The following IQCH variants were observed in gnomAD, a reference collection of about 807,000 sequenced individuals.
IQCH encodes IQ domain-containing protein H.
IQCH carries 98 observed loss-of-function variants against 117.0 expected under a neutral mutation model. The observed-to-expected ratio is 0.84, with a 90% confidence interval of 0.71 to 0.99. The LOEUF (loss-of-function observed/expected upper bound fraction) is 0.99, where lower values mean the gene tolerates loss of function less well. IQCH is among the 50% of genes least tolerant of loss of function. The probability of loss-of-function intolerance (pLI) is 0.00; values close to 1 mark genes in which losing one functional copy is unlikely to be tolerated. For synonymous variants in IQCH, 412 were observed against 448.2 expected (o/e 0.92, Z 1.02); for missense variants, 1,102 against 1,243.8 (o/e 0.89, Z 1.72).
intron 3 of IQCH, among the ~76,000 whole-genome samples, chr15:67,273,095 G>A (rs1431181131): frequency 6.6e-6 from 1 of 151,694 alleles, no homozygotes. Flanking sequence ...TTTGGAGACA[G>A]GGTCTCTCTC....
At chr15:67,310,079 C>T (rs1967507960) in intron 4 of IQCH, among the ~76,000 whole-genome samples, 2 of 150,802 alleles carry the variant, frequency 1.3e-5, no homozygotes, top group South Asian at 2.1e-4. Context: ...GCTCCTTTTA[C>T]ATCCTAGTGT....
In IQCH at chr15:67,263,186, A is replaced by C; in HGVS notation, c.239A>C (p.Glu80Ala). Residue 80 changes from glutamate (E) to alanine (A), a missense_variant, in exon 3 of 21, where the codon GAG (glutamate) becomes GCG (alanine). Coordinates refer to ENST00000335894, the MANE Select transcript of IQCH (RefSeq NM_001031715.3). ...QNVLTTSVND[E>A]SLYTPQASKW... ...GTATTAACGACTTCTGTTAATGATG[A>C]GAGCTTATATACTCCCCAGGCTTCC... 6.4e-7 allele frequency: 1 copy of C among 1,574,370 alleles called. No individual in the cohort carries two copies. Among genetic ancestry groups the C allele is most frequent in the Non-Finnish European group, 8.7e-7 (1 of 1,143,902 alleles).
intron 4 of IQCH, among the ~76,000 whole-genome samples, chr15:67,291,703 G>A (rs1393797901): frequency 6.6e-6 from 1 of 152,162 alleles, no homozygotes; most frequent in Non-Finnish European, 1.5e-5. Flanking sequence ...AATTTTCACT[G>A]TAAGTTATAC....
intron 9 of IQCH, among the ~76,000 whole-genome samples, chr15:67,373,071 G>C (rs1175226370): frequency 6.6e-6 from 1 of 151,914 alleles, no homozygotes; most frequent in Non-Finnish European, 1.5e-5. Context: ...TTGTCAGAAA[G>C]TATTTAAGTT....
chr15:67,322,264 T>G (rs1338384903), intron 4 of IQCH, among the ~76,000 whole-genome samples: 4 of 152,240 alleles, frequency 2.6e-5, no homozygotes, highest in Non-Finnish European at 5.9e-5. Flanking sequence ...CTCATAGTTC[T>G]TTTTGTCTTA....
rs1385404825 is a variant in IQCH at position 67,427,471 on chromosome 15, C to T, written c.2505+5894C>T. 6.6e-6 allele frequency among the ~76,000 whole-genome samples: 1 copy of T among 151,928 alleles called. No individual in the cohort carries two copies. The highest frequency in any genetic ancestry group is 6.6e-5 in the Admixed American group (1 of 15,264). On this transcript the variant is annotated intron_variant, in intron 16 of 20. Transcript: ENST00000335894. The surrounding 1 kb of genome is among the most constrained non-coding windows in gnomAD (Gnocchi z 4.7). ...CCTTGAGCCATCCTCCTGCCTTGGCCTCCCAAAGTGCTTGGATTACAGGTG... is the reference window on the plus strand; with the variant it reads ...CCTTGAGCCATCCTCCTGCCTTGGCTTCCCAAAGTGCTTGGATTACAGGTG...
rs753039173 is a variant in IQCH at position 67,445,863 on chromosome 15, C to T, written c.2506-19264C>T. Among the ~76,000 whole-genome samples the T allele has an allele frequency of 2.6e-5, 4 of 152,166 alleles. No homozygotes were observed. The highest frequency in any genetic ancestry group is 5.9e-5 in the Non-Finnish European group (4 of 68,040). On this transcript the variant is annotated intron_variant, in intron 16 of 20. Coordinates refer to ENST00000335894, the MANE Select transcript of IQCH (RefSeq NM_001031715.3). This position sits in a 1 kb window ranked among gnomAD's most constrained non-coding sequence, Gnocchi z 4.3. ...GTCCAAATAATGCAACAAAATTCAC[C>T]TCCCATACAGAGGACACAGGTAGGA...
chr15:67,256,708 A>G (rs567382670), intron 1 of IQCH, among the ~76,000 whole-genome samples: 2 of 152,234 alleles, frequency 1.3e-5, no homozygotes, highest in Non-Finnish European at 2.9e-5. Context: ...ACATTATAGT[A>G]ATAGATAACT....
At chr15:67,435,373 C>A (rs1268788060) in intron 16 of IQCH, among the ~76,000 whole-genome samples, 1 of 151,960 alleles carries the variant, frequency 6.6e-6, no homozygotes, top group African/African-American at 2.4e-5. Context: ...TCACTTTAGG[C>A]CAGGAGTTTG....
chr15:67,270,788 T>TA (rs1555429033), intron 3 of IQCH, among the ~76,000 whole-genome samples: 4 of 152,192 alleles, frequency 2.6e-5, no homozygotes, highest in Non-Finnish European at 5.9e-5. Flanking sequence ...AATCTGTTTT[T>TA]AAAAAAATTA....
chr15:67,487,998 A>T (rs1356406649), intron 18 of IQCH, among the ~76,000 whole-genome samples: 1 of 152,186 alleles, frequency 6.6e-6, no homozygotes, highest in Admixed American at 6.5e-5. Flanking sequence ...ATGTAAAAAT[A>T]AACACATGAT....
At chr15:67,423,641 G>A (rs953104060) in intron 16 of IQCH, among the ~76,000 whole-genome samples, 2 of 150,796 alleles carry the variant, frequency 1.3e-5, no homozygotes, top group Non-Finnish European at 1.5e-5. Flanking sequence ...GGTAGCTCAC[G>A]CCTGTAATAC....
rs749382813 is a variant in IQCH at position 67,372,192 on chromosome 15, A to C, written c.835A>C (p.Asn279His). 2.5e-6 allele frequency: 4 copies of C among 1,614,004 alleles called. No homozygotes were observed. The highest frequency in any genetic ancestry group is 1.1e-5 in the South Asian group (1 of 91,084). ...DFLIYDGVIDNTAPDFLAFKE... is the reference protein window; with the variant it reads ...DFLIYDGVIDHTAPDFLAFKE... ...TTTAATTTATGATGGTGTCATAGAC[A>C]ATACAGCCCCAGACTTCTTAGCATT... The change falls in exon 9 of 21, where the codon AAT becomes CAT. Residue 279 changes from asparagine to histidine, a missense_variant. This residue lies in a region of IQCH where 452 missense variants were observed against 449.6 expected (regional missense o/e 1.01). Coordinates refer to ENST00000335894, the MANE Select transcript of IQCH (RefSeq NM_001031715.3).
intron 14 of IQCH, among the ~76,000 whole-genome samples, chr15:67,414,024 G>A (rs890295311): frequency 1.3e-5 from 2 of 152,210 alleles, no homozygotes; most frequent in South Asian, 2.1e-4. Flanking sequence ...TGCATCTGAG[G>A]TGACACTTCA....
chr15:67,453,853 G>T lies in IQCH; in HGVS notation c.2506-11274G>T, dbSNP rs193278791. Reference sequence around the variant, plus strand: ...CCTACAGAGGCAGGCAGGCCTCCTTGAGCTGTGATGGGCTCCACCCAGTTC... The same window carrying T: ...CCTACAGAGGCAGGCAGGCCTCCTTTAGCTGTGATGGGCTCCACCCAGTTC... On this transcript the variant is annotated intron_variant, in intron 16 of 20. Coordinates refer to ENST00000335894, the MANE Select transcript of IQCH (RefSeq NM_001031715.3). This position sits in a 1 kb window ranked among gnomAD's most constrained non-coding sequence, Gnocchi z 5.8. 3.5e-3 allele frequency among the ~76,000 whole-genome samples: 532 copies of T among 152,356 alleles called. 5 individuals are homozygous for T. The highest frequency in any genetic ancestry group is 0.012 in the African/African-American group (501 of 41,576).
intron 3 of IQCH, among the ~76,000 whole-genome samples, chr15:67,263,772 G>A (rs1425517488): frequency 6.6e-6 from 1 of 152,092 alleles, no homozygotes; most frequent in Admixed American, 6.6e-5. Flanking sequence ...GGTATCCAGG[G>A]TAAACAAAAC....
chr15:67,261,441 C>T (rs1470136135), intron 2 of IQCH, 47 bp downstream of exon 2: 4 of 1,502,634 alleles, frequency 2.7e-6, no homozygotes, highest in Non-Finnish European at 3.6e-6. Flanking sequence ...GACAAAGCAT[C>T]CTCTAGAAGA....
intron 14 of IQCH, among the ~76,000 whole-genome samples, chr15:67,409,873 G>A (rs1284274937): frequency 2.0e-5 from 3 of 152,186 alleles, no homozygotes; most frequent in African/African-American, 7.2e-5. Context: ...GGCAAAGTTG[G>A]CATTTTTGAT....
chr15:67,274,133 T>C (rs1177935260), intron 3 of IQCH, among the ~76,000 whole-genome samples: 5 of 152,226 alleles, frequency 3.3e-5, no homozygotes, highest in Non-Finnish European at 5.9e-5. Context: ...GATTAGTATA[T>C]GTTGGGATGG....
Sources: allele counts gnomAD v4.1 joint callset (sites outside exome capture counted in the v4.1 genomes callset), GRCh38; gene constraint gnomAD v4.1.1; regional missense constraint gnomAD v4.1.1; non-coding constraint Gnocchi (gnomAD v3.1); transcripts MANE v1.5; gene names NCBI Gene and HGNC (gene_info 2026-07-23, HGNC 2026-07-21).